Variants in TMEM131L observed in about 807,000 individuals in gnomAD.
The protein encoded by TMEM131L is transmembrane 131 like, also known as transmembrane protein 131-like.
Under a neutral mutation model 192.2 loss-of-function variants are expected in TMEM131L, and 54 were observed. That is an observed-to-expected ratio of 0.28 (90% CI 0.23 to 0.35). TMEM131L has a LOEUF of 0.35. TMEM131L is among the 10% of genes least tolerant of loss of function. TMEM131L has a pLI of 1.00. For synonymous variants in TMEM131L, 701 were observed against 704.9 expected (o/e 0.99, Z 0.09); for missense variants, 1,888 against 1,972.9 (o/e 0.96, Z 0.82).
chr4:153,601,132 A>T lies in TMEM131L; in HGVS notation c.2267-1020A>T, dbSNP rs138697493. 5.0e-3 allele frequency among the ~76,000 whole-genome samples: 761 copies of T among 151,486 alleles called. 4 individuals carry two copies. The highest frequency in any genetic ancestry group is 0.017 in the African/African-American group (720 of 41,364). On this transcript the variant is annotated intron_variant, in intron 21 of 34. Coordinates refer to ENST00000409959, the MANE Select transcript of TMEM131L (RefSeq NM_001131007.2). ...CAAAAAAAAAAAAAAAAGATTTGTTAGTAATTTTACATTCCGAATTCTTCT... is the reference window on the plus strand; with the variant it reads ...CAAAAAAAAAAAAAAAAGATTTGTTTGTAATTTTACATTCCGAATTCTTCT...
At chr4:153,477,006 G>A (rs1353092113) in intron 3 of TMEM131L, among the ~76,000 whole-genome samples, 1 of 152,156 alleles carries the variant, frequency 6.6e-6, no homozygotes, top group Non-Finnish European at 1.5e-5. Context: ...GTGTGTGGGA[G>A]CAAGAAAAAT....
chr4:153,479,878 G>A (rs1019443119), intron 3 of TMEM131L, among the ~76,000 whole-genome samples: 4 of 152,184 alleles, frequency 2.6e-5, no homozygotes, highest in Non-Finnish European at 5.9e-5. Flanking sequence ...GCCCCCACAG[G>A]GAGTGGAACT....
intron 3 of TMEM131L, among the ~76,000 whole-genome samples, chr4:153,499,495 C>T (rs918226185): frequency 6.6e-6 from 1 of 150,856 alleles, no homozygotes; most frequent in Non-Finnish European, 1.5e-5. Flanking sequence ...GGCACAATCT[C>T]AGCTCACTAC....
intron 3 of TMEM131L, among the ~76,000 whole-genome samples, chr4:153,547,925 T>C (rs1737310284): frequency 6.6e-6 from 1 of 152,232 alleles, no homozygotes; most frequent in Non-Finnish European, 1.5e-5. Context: ...CACTTTTCAG[T>C]GCACAAGACA....
intron 3 of TMEM131L, among the ~76,000 whole-genome samples, chr4:153,518,891 A>G (rs1028087658): frequency 1.8e-4 from 27 of 152,054 alleles, no homozygotes; most frequent in African/African-American, 6.5e-4. Flanking sequence ...TGTTTACTCC[A>G]TGTCAGTGCA....
In TMEM131L at chr4:153,508,568, C is replaced by A. The variant is rs189719564; in HGVS notation, c.239+34680C>A. 2.0e-5 allele frequency among the ~76,000 whole-genome samples: 3 copies of A among 152,206 alleles called. No homozygotes were observed. The East Asian group carries it at 5.8e-4, about 29-fold the overall frequency. On this transcript the variant is annotated intron_variant, in intron 3 of 34. Coordinates refer to ENST00000409959, the MANE Select transcript of TMEM131L (RefSeq NM_001131007.2). Reference sequence around the variant, plus strand: ...CTCATTTAACCCTTTATTCTCACATCTGTATCGTTGATAATGTTTTCCACT... The same window carrying A: ...CTCATTTAACCCTTTATTCTCACATATGTATCGTTGATAATGTTTTCCACT...
chr4:153,509,414 A>G (rs1253984405), intron 3 of TMEM131L, among the ~76,000 whole-genome samples: 1 of 150,070 alleles, frequency 6.7e-6, no homozygotes, highest in Non-Finnish European at 1.5e-5. Flanking sequence ...AGAAACATCC[A>G]TTACCCTTCT....
At chr4:153,571,727 G>C (rs1446271561) in intron 7 of TMEM131L, among the ~76,000 whole-genome samples, 1 of 151,936 alleles carries the variant, frequency 6.6e-6, no homozygotes, top group Admixed American at 6.6e-5. Context: ...GCCCAGCTAA[G>C]TTTTATATTT....
intron 3 of TMEM131L, among the ~76,000 whole-genome samples, chr4:153,475,265 A>G (rs1731448223): frequency 6.6e-6 from 1 of 152,210 alleles, no homozygotes; most frequent in African/African-American, 2.4e-5. Flanking sequence ...GGAGGACCCA[A>G]TGAATTTGAC....
intron 20 of TMEM131L, among the ~76,000 whole-genome samples, chr4:153,596,642 T>A (rs1291547076): frequency 2.6e-5 from 4 of 152,184 alleles, no homozygotes; most frequent in Non-Finnish European, 5.9e-5. Flanking sequence ...CCACACAGCT[T>A]CTCGTCTGTG....
At chr4:153,589,390 G>T (rs115340621) in intron 16 of TMEM131L, among the ~76,000 whole-genome samples, 11 of 152,070 alleles carry the variant, frequency 7.2e-5, no homozygotes, top group African/African-American at 2.7e-4. Flanking sequence ...GCACTGTGAC[G>T]CCAGGACAGT....
In TMEM131L at chr4:153,467,266, C is replaced by T. The variant is rs1730827938; in HGVS notation, c.180C>T (p.Leu60=). Residue 60 remains leucine (L), a synonymous_variant, in exon 2 of 35, where the codon CTC becomes CTT. Transcript: ENST00000409959. ...VELWQAEEGE[L]LLPTQGDSEE... is the part of the protein sequence containing the mutation. ...TGTGGCAGGCAGAAGAAGGGGAACT[C>T]CTGCTGCCCACTCAGGTGAGGACGA... is the stretch of plus-strand genomic sequence containing the variant. 6.4e-7 allele frequency: 1 copy of T among 1,551,524 alleles called. No individual in the cohort carries two copies.
rs749914740 is a variant in TMEM131L at position 153,580,855 on chromosome 4, G to T, written c.690G>T (p.Gln230His). The change falls in exon 8 of 35, where the codon CAG becomes CAT. Residue 230 changes from glutamine to histidine, a missense_variant. Physicochemically the swap from Gln to His is conservative, Grantham distance 24. Transcript: ENST00000409959. Reference protein sequence around the residue: ...QAETTNTSLLQVQLECSLHNK... With the variant: ...QAETTNTSLLHVQLECSLHNK... ...AAACCACTAATACTAGCCTCTTGCAGGTGCAACTGGAATGCAGTTTACATA... is the reference window on the plus strand; with the variant it reads ...AAACCACTAATACTAGCCTCTTGCATGTGCAACTGGAATGCAGTTTACATA... The T allele has an allele frequency of 6.2e-7, 1 of 1,612,680 alleles. No individual in the cohort carries two copies. The highest frequency in any genetic ancestry group is 8.5e-7 in the Non-Finnish European group (1 of 1,178,936).
chr4:153,597,257 TTTC>T (rs1310522056), intron 20 of TMEM131L, among the ~76,000 whole-genome samples: 1 of 147,266 alleles, frequency 6.8e-6, no homozygotes, highest in East Asian at 2.0e-4. Context: ...TATTAATTTT[TTTC>T]TTTTTTTAAT....
chr4:153,616,646 T>G (rs1578873685), intron 26 of TMEM131L, among the ~76,000 whole-genome samples: 1 of 152,248 alleles, frequency 6.6e-6, no homozygotes, highest in Non-Finnish European at 1.5e-5. Context: ...GCATAAAGAA[T>G]AAGGTAGAAG....
chr4:153,471,741 G>C (rs964861553), intron 2 of TMEM131L, among the ~76,000 whole-genome samples: 1 of 152,146 alleles, frequency 6.6e-6, no homozygotes, highest in Non-Finnish European at 1.5e-5. Context: ...TTGGTGCTAG[G>C]CAGGGCTGGG....
rs1014038662 is a variant in TMEM131L at position 153,555,445 on chromosome 4, C to T, written c.309-342C>T. Among the ~76,000 whole-genome samples the T allele has an allele frequency of 9.9e-5, 15 of 152,178 alleles. No homozygotes were observed. The highest frequency in any genetic ancestry group is 2.6e-4 in the Admixed American group (4 of 15,286). On this transcript the variant is annotated intron_variant, in intron 4 of 34. Transcript: ENST00000409959. The surrounding 1 kb of genome is among the most constrained non-coding windows in gnomAD (Gnocchi z 4.1). ...TTTCATTGAATTAGAGACCCAGGTC[C>T]GAGAAGTGCCAGTGAGTGCCTACAT...
At chr4:153,502,642 ACTT>A (rs1252088327) in intron 3 of TMEM131L, among the ~76,000 whole-genome samples, 1 of 152,242 alleles carries the variant, frequency 6.6e-6, no homozygotes, top group African/African-American at 2.4e-5. Flanking sequence ...ACTTTGAAAA[ACTT>A]CTGCGTATAG....
chr4:153,501,473 T>G (rs1469242469), intron 3 of TMEM131L, among the ~76,000 whole-genome samples: 1 of 152,178 alleles, frequency 6.6e-6, no homozygotes. Context: ...GTGCTGGGAT[T>G]ACAGGTATGG....
Sources: allele counts gnomAD v4.1 joint callset (sites outside exome capture counted in the v4.1 genomes callset), GRCh38; gene constraint gnomAD v4.1.1; non-coding constraint Gnocchi (gnomAD v3.1); transcripts MANE v1.5; gene names NCBI Gene and HGNC (gene_info 2026-07-23, HGNC 2026-07-21).